The following CDKAL1 variants were observed in gnomAD, a reference collection of about 807,000 sequenced individuals.
The protein encoded by CDKAL1 is threonylcarbamoyladenosine tRNA methylthiotransferase.
Under a neutral mutation model 68.2 loss-of-function variants are expected in CDKAL1, and 32 were observed. The observed-to-expected ratio is 0.47, with a 90% CI of 0.35 to 0.63. CDKAL1 has a LOEUF of 0.63. Among genes scored for constraint, CDKAL1 ranks in the 30% least tolerant of loss-of-function variants. CDKAL1 has a pLI of 0.00. For synonymous variants in CDKAL1, 234 were observed against 244.3 expected, an observed-to-expected ratio of 0.96 and a Z score of 0.39; for missense variants, 606 against 696.7, an observed-to-expected ratio of 0.87 and a Z score of 1.47.
chr6:20,580,357 G>A (rs911721149), intron 4 of CDKAL1, among the ~76,000 whole-genome samples: 4 of 152,122 alleles, frequency 2.6e-5, no homozygotes, highest in African/African-American at 9.7e-5. Context: ...GCTGCTGGAA[G>A]GCTGGAATAC....
At chr6:21,190,284 C>G (rs1216594153) in intron 13 of CDKAL1, among the ~76,000 whole-genome samples, 1 of 152,042 alleles carries the variant, frequency 6.6e-6, no homozygotes, top group Non-Finnish European at 1.5e-5. Context: ...TCAGAATATT[C>G]TGTAGGATAA....
intron 13 of CDKAL1, among the ~76,000 whole-genome samples, chr6:21,138,957 C>A (rs1390743710): frequency 1.3e-5 from 2 of 152,180 alleles, no homozygotes; most frequent in African/African-American, 4.8e-5. Context: ...CGCACTGTCT[C>A]CAGTCATGCA....
intron 4 of CDKAL1, among the ~76,000 whole-genome samples, chr6:20,638,640 TCTCA>T (rs1475564415): frequency 1.4e-5 from 2 of 147,472 alleles, no homozygotes; most frequent in African/African-American, 5.1e-5. Context: ...TGAGACGGAG[TCTCA>T]CTCTGTCTCC....
chr6:20,687,485 A>C (rs1006088157), intron 5 of CDKAL1, among the ~76,000 whole-genome samples: 1 of 151,364 alleles, frequency 6.6e-6, no homozygotes, highest in Non-Finnish European at 1.5e-5. Context: ...GAAAATTAAA[A>C]AGTTATTTTA....
At chr6:20,754,681 A>G (rs2150343775) in intron 6 of CDKAL1, among the ~76,000 whole-genome samples, 1 of 152,308 alleles carries the variant, frequency 6.6e-6, no homozygotes, top group South Asian at 2.1e-4. Context: ...TTCTTCATAA[A>G]TTCTAGATAT....
At chr6:21,169,406 A>G (rs1777283242) in intron 13 of CDKAL1, among the ~76,000 whole-genome samples, 1 of 152,228 alleles carries the variant, frequency 6.6e-6, no homozygotes, top group African/African-American at 2.4e-5. Flanking sequence ...AGGCTGAGGC[A>G]GGCAGATCAC....
At chr6:20,681,893 A>G (rs1284086759) in intron 5 of CDKAL1, among the ~76,000 whole-genome samples, 1 of 152,186 alleles carries the variant, frequency 6.6e-6, no homozygotes, top group Non-Finnish European at 1.5e-5. Context: ...TTTAATTCTC[A>G]CAATACTGGA....
chr6:20,690,539 G>A (rs1175047822), intron 5 of CDKAL1, among the ~76,000 whole-genome samples: 1 of 152,068 alleles, frequency 6.6e-6, no homozygotes, highest in Admixed American at 6.6e-5. Context: ...TGCCACTTGT[G>A]CTTTTAGTAT....
chr6:21,045,830 G>GT (rs2150903287), intron 11 of CDKAL1, among the ~76,000 whole-genome samples: 1 of 152,310 alleles, frequency 6.6e-6, no homozygotes, highest in East Asian at 1.9e-4. Context: ...TTTAGCAGTT[G>GT]TGTGGGTCAT....
chr6:20,862,635 T>G (rs933253391), intron 9 of CDKAL1, among the ~76,000 whole-genome samples: 14 of 149,204 alleles, frequency 9.4e-5, no homozygotes, highest in Admixed American at 9.3e-4. Context: ...TCTTTCCAAC[T>G]TGTGTGTGTG....
intron 6 of CDKAL1, among the ~76,000 whole-genome samples, chr6:20,748,555 G>GGAAAAAA (rs1773766913): frequency 2.8e-4 from 8 of 28,742 alleles, no homozygotes; most frequent in African/African-American, 9.2e-4. Flanking sequence ...TCTGTTTCTG[G>GGAAAAAA]AAAAAAAAAA....
At position 21,157,768 on chromosome 6, in the gene CDKAL1, T is replaced by C. The variant is rs146697751; in HGVS notation, c.1300-40253T>C. Among the ~76,000 whole-genome samples, 337 of 152,338 alleles carry C rather than the reference T, an allele frequency of 2.2e-3. 2 individuals carry two copies. Among genetic ancestry groups the C allele is most frequent in the African/African-American group, 7.8e-3 (323 of 41,582 alleles). Reference sequence around the variant, plus strand: ...GTAAGCACATCACTCAGCCTTGTTATGGAAAACTGGCAGAGCACCTGGGTG... The same window carrying C: ...GTAAGCACATCACTCAGCCTTGTTACGGAAAACTGGCAGAGCACCTGGGTG... On this transcript the variant is annotated intron_variant, in intron 13 of 15. Transcript: ENST00000274695.
intron 4 of CDKAL1, among the ~76,000 whole-genome samples, chr6:20,584,562 T>C (rs1765267743): frequency 6.6e-6 from 1 of 152,224 alleles, no homozygotes; most frequent in Non-Finnish European, 1.5e-5. Flanking sequence ...TTCTTCTCTA[T>C]AATGCTGAGT....
chr6:21,137,454 A>T (rs1313656909), intron 13 of CDKAL1, among the ~76,000 whole-genome samples: 3 of 152,224 alleles, frequency 2.0e-5, no homozygotes, highest in African/African-American at 7.2e-5. Context: ...ACAGCCTGTT[A>T]TGGTTTTTAA....
intron 4 of CDKAL1, among the ~76,000 whole-genome samples, chr6:20,616,213 G>A (rs1178411027): frequency 8.5e-5 from 13 of 152,304 alleles, no homozygotes; most frequent in East Asian, 7.7e-4. Flanking sequence ...GTCAGGTAGT[G>A]TGATGCCTCC....
intron 12 of CDKAL1, among the ~76,000 whole-genome samples, chr6:21,097,581 T>C (rs1237449893): frequency 6.6e-6 from 1 of 152,236 alleles, no homozygotes; most frequent in Non-Finnish European, 1.5e-5. Flanking sequence ...ATTAATTGTT[T>C]ATTTACTTTT....
chr6:21,029,917 G>A lies in CDKAL1; in HGVS notation c.1055+29545G>A, dbSNP rs116124760. Among the ~76,000 whole-genome samples the A allele has an allele frequency of 5.5e-3, 845 of 152,262 alleles. 8 individuals carry two copies. The highest frequency in any genetic ancestry group is 0.019 in the African/African-American group (785 of 41,556). On this transcript the variant is annotated intron_variant, in intron 11 of 15. Transcript: ENST00000274695. Reference sequence around the variant, plus strand: ...TAGTTCAACCATTGTGGAAGACAATGTGACGATTCCTTAAGGATCTAGAAT... The same window carrying A: ...TAGTTCAACCATTGTGGAAGACAATATGACGATTCCTTAAGGATCTAGAAT...
intron 12 of CDKAL1, among the ~76,000 whole-genome samples, chr6:21,078,919 A>G (rs901861945): frequency 2.6e-5 from 4 of 152,102 alleles, no homozygotes; most frequent in African/African-American, 9.7e-5. Context: ...TCTTTCTATC[A>G]TGTGCACCTA....
At chr6:21,214,399 C>T (rs547156156) in intron 15 of CDKAL1, among the ~76,000 whole-genome samples, 1 of 152,080 alleles carries the variant, frequency 6.6e-6, no homozygotes, top group African/African-American at 2.4e-5. Flanking sequence ...AAGCCAGAGA[C>T]CCTACAACAG....
Sources: gnomAD v4.1 joint callset for allele counts (sites outside exome capture counted in the v4.1 genomes callset) on GRCh38, gnomAD v4.1.1 for gene constraint, MANE v1.5 for transcripts, NCBI Gene and HGNC (gene_info 2026-07-23, HGNC 2026-07-21) for gene names.